TBC1D8B: variants seen among roughly 807,000 people sequenced by gnomAD.
TBC1D8B encodes the protein RP11-321G1.1.
A neutral mutation model predicts 82.9 loss-of-function variants in TBC1D8B; 75 were observed. The observed-to-expected ratio is 0.90, with a 90% confidence interval of 0.75 to 1.10. The LOEUF (loss-of-function observed/expected upper bound fraction) is 1.10. Ranked by LOEUF, TBC1D8B falls within the 50% of genes least tolerant of loss-of-function variation. The pLI, the probability that TBC1D8B is intolerant of heterozygous loss-of-function variation, is 0.00. For missense variants in TBC1D8B, 794 were observed against 796.9 expected (o/e 1.00, Z 0.04); for synonymous variants, 276 against 276.8 (o/e 1.00, Z 0.03).
chrX:106,860,215 C>T (rs1379075333), intron 14 of TBC1D8B, among the ~76,000 whole-genome samples: 23 of 110,672 alleles, frequency 2.1e-4, no homozygotes, highest in Non-Finnish European at 3.8e-5. Flanking sequence ...TAAAAGAATG[C>T]GTTAAGGAGG....
intron 11 of TBC1D8B, 61 bp from the exon 12 acceptor site, chrX:106,849,964 G>A: frequency 3.6e-6 from 4 of 1,124,161 alleles, no homozygotes; most frequent in Non-Finnish European, 2.3e-6. Context: ...GAAGTGGGGA[G>A]GTATGGAAAC....
In TBC1D8B at chrX:106,874,012, A is replaced by G. The variant is rs368662479; in HGVS notation, c.*47A>G. 2 of 1,129,706 alleles carry G rather than the reference A, an allele frequency of 1.8e-6. No homozygotes were observed. The highest frequency in any genetic ancestry group is 2.2e-5 in the South Asian group (1 of 45,177). 93.1% of individuals were successfully genotyped at this position (1,129,706 alleles called of 1,213,427 possible). ...TAGACAAGTTTACTAACATTCCTGTAGCTGTCAGTTTGATTCCTGTGAGTA... is the reference window on the plus strand; with the variant it reads ...TAGACAAGTTTACTAACATTCCTGTGGCTGTCAGTTTGATTCCTGTGAGTA... On this transcript the variant is annotated 3_prime_UTR_variant, in exon 21 of 21. Transcript: ENST00000357242.
chrX:106,841,435 C>A (rs781549156), intron 10 of TBC1D8B, among the ~76,000 whole-genome samples: 1 of 110,604 alleles, frequency 9.0e-6, no homozygotes, highest in South Asian at 3.8e-4. Context: ...TAGAGGTAAA[C>A]GTAAAGTATG....
At position 106,830,958 on chromosome X, in the gene TBC1D8B, AT is replaced by A. The variant is rs1363139477; in HGVS notation, c.1203+3622del. 1.3e-3 allele frequency among the ~76,000 whole-genome samples: 146 copies of A among 108,347 alleles called. 1 individual carries two copies. Among genetic ancestry groups the A allele is most frequent in the African/African-American group, 4.6e-3 (139 of 29,999 alleles). The allele number at this position is 108,347 out of a possible 115,157, so 94.1% of individuals were successfully genotyped here. A position where few individuals can be genotyped will look rare whatever the true frequency, so the allele number is the denominator to read the frequency against. ...CTTAAAGTATAATAATAATAAATAA[AT>A]AAATAAATAAATAAATAAATAAAAT... On this transcript the variant is annotated intron_variant, in intron 7 of 20. Coordinates refer to ENST00000357242, the MANE Select transcript of TBC1D8B (RefSeq NM_017752.3).
At chrX:106,853,447 G>T (rs1394748560) in intron 12 of TBC1D8B, 74 bp from the exon 13 acceptor site, 1 of 1,062,138 alleles carries the variant, frequency 9.4e-7, no homozygotes, top group South Asian at 2.1e-5. Flanking sequence ...TAACTAGGGA[G>T]AAATTATGTG....
chrX:106,846,399 C>G (rs762708916), intron 10 of TBC1D8B, among the ~76,000 whole-genome samples: 95 of 103,528 alleles, frequency 9.2e-4, no homozygotes, highest in Non-Finnish European at 6.1e-4. Flanking sequence ...TGAGCCACCG[C>G]ACCCGGCCTA....
chrX:106,866,076 A>G lies in TBC1D8B; in HGVS notation c.2662+43A>G, dbSNP rs148569277. ...AGCAAAAAAAAAAGGTGCTCCTAGA[A>G]ATACTTAGTACTGCCTATTATTGCC... On this transcript the variant is annotated intron_variant, in intron 16 of 20. Coordinates refer to ENST00000357242, the MANE Select transcript of TBC1D8B (RefSeq NM_017752.3). 1,658 of 1,161,284 alleles carry G rather than the reference A, an allele frequency of 1.4e-3. 15 individuals are homozygous for G. The African/African-American group carries it at 0.026, about 18-fold the overall frequency.
rs538337011 is a variant in TBC1D8B at position 106,802,702 on chromosome X, G to C, written c.-152G>C. ...ATCTCTCTGCCTACGTGGGAGAGAAGGGAGGGTTGGGGGAAGTGTGGAAAA... is the reference window on the plus strand; with the variant it reads ...ATCTCTCTGCCTACGTGGGAGAGAACGGAGGGTTGGGGGAAGTGTGGAAAA... On this transcript the variant is annotated 5_prime_UTR_variant, in exon 1 of 21. Transcript: ENST00000357242. 1.5e-4 allele frequency: 112 copies of C among 759,524 alleles called. 1 individual carries two copies. The South Asian group carries it at 3.0e-3, about 20-fold the overall frequency. 62.6% of individuals were successfully genotyped at this position (759,524 alleles called of 1,213,427 possible).
intron 10 of TBC1D8B, among the ~76,000 whole-genome samples, chrX:106,844,962 T>G (rs1932402194): frequency 9.0e-6 from 1 of 111,501 alleles, no homozygotes; most frequent in Non-Finnish European, 1.9e-5. Flanking sequence ...TTTGTGGTTT[T>G]TTTTAGAAAC....
intron 5 of TBC1D8B, 59 bp from the exon 6 acceptor site, chrX:106,825,971 C>A (rs767801799): frequency 3.7e-5 from 39 of 1,044,410 alleles, no homozygotes; most frequent in Admixed American, 9.2e-5. Context: ...CATATGTATA[C>A]CTTAGAATTC....
Position 106,839,447 on chromosome X carries a change from A to G in TBC1D8B, c.1343A>G (p.Asn448Ser). 1 of 1,151,048 alleles carries G rather than the reference A, an allele frequency of 8.7e-7. No homozygotes were observed. Among genetic ancestry groups the G allele is most frequent in the Non-Finnish European group, 1.2e-6 (1 of 865,412 alleles). The allele number at this position is 1,151,048 out of a possible 1,213,427, so 94.9% of individuals were successfully genotyped here. ...VFHPQNLETL[N>S]SKMLKEKMKE... is the part of the protein sequence containing the mutation. ...CACCCTCAGAATTTGGAGACTCTTA[A>G]TTCTAAAATGGTAGGAAAACAAAAT... Residue 448 changes from asparagine (N) to serine (S), a missense_variant, in exon 8 of 21, where the codon AAT (asparagine) becomes AGT (serine). Coordinates refer to ENST00000357242, the MANE Select transcript of TBC1D8B (RefSeq NM_017752.3).
rs1398494126 is a variant in TBC1D8B, at chrX:106,866,859, C to G, written c.2725C>G (p.Pro909Ala). 3 of 1,172,948 alleles carry G rather than the reference C, an allele frequency of 2.6e-6. No homozygotes were observed. Among genetic ancestry groups the G allele is most frequent in the Non-Finnish European group, 3.4e-6 (3 of 869,677 alleles). ...LKLLFKLHIPPAYTEVKSKDA... is the reference protein window; with the variant it reads ...LKLLFKLHIPAAYTEVKSKDA... ...GCTGCTTTTTAAGCTACATATTCCT[C>G]CAGGTAAGAGTTTACCAGTCTTTAA... Residue 909 changes from proline (P) to alanine (A), a missense_variant, in exon 17 of 21, where the codon CCA (proline) becomes GCA (alanine). Transcript: ENST00000357242.
At chrX:106,817,186 C>T in intron 1 of TBC1D8B, among the ~76,000 whole-genome samples, 1 of 111,487 alleles carries the variant, frequency 9.0e-6, no homozygotes, top group Non-Finnish European at 1.9e-5. Flanking sequence ...AATCAACAAA[C>T]TATATCCTTA....
At chrX:106,807,611 T>TAC (rs1931231325) in intron 1 of TBC1D8B, among the ~76,000 whole-genome samples, 1 of 111,226 alleles carries the variant, frequency 9.0e-6, no homozygotes, top group South Asian at 3.8e-4. Flanking sequence ...CAAAATCTCC[T>TAC]ACAAGGCTGC....
chrX:106,839,552 CTTCTT>C (rs1199278780), intron 8 of TBC1D8B, 95 bp downstream of exon 8: 1 of 926,964 alleles, frequency 1.1e-6, no homozygotes, highest in Non-Finnish European at 1.4e-6. Flanking sequence ...ACTGAAAACT[CTTCTT>C]TTGGGACTTG....
At chrX:106,855,840 T>G (rs1932684048) in intron 14 of TBC1D8B, among the ~76,000 whole-genome samples, 1 of 111,430 alleles carries the variant, frequency 9.0e-6, no homozygotes, top group African/African-American at 3.3e-5. Context: ...AGAATGCCCC[T>G]TTCCCCACAT....
Position 106,865,610 on chromosome X carries a change from C to A in TBC1D8B, c.2404C>A (p.Leu802Ile). The A allele has an allele frequency of 8.4e-7, 1 of 1,196,162 alleles. No homozygotes were observed. Among genetic ancestry groups the A allele is most frequent in the Non-Finnish European group, 1.1e-6 (1 of 887,253 alleles). ...VKLSLQELDELYVIFKKELFL... is the reference protein window; with the variant it reads ...VKLSLQELDEIYVIFKKELFL... ...ATTGAGCCTTCAAGAATTGGATGAA[C>A]TTTATGTCATCTTTAAGGTACTGTT... The change falls in exon 15 of 21, where the codon CTT becomes ATT. Residue 802 changes from leucine to isoleucine, a missense_variant. Coordinates refer to ENST00000357242, the MANE Select transcript of TBC1D8B (RefSeq NM_017752.3).
intron 12 of TBC1D8B, among the ~76,000 whole-genome samples, chrX:106,851,265 C>G (rs936528048): frequency 1.8e-5 from 2 of 111,847 alleles, no homozygotes; most frequent in African/African-American, 3.3e-5. Context: ...TGGTGAACAC[C>G]TGTAATCCCA....
At chrX:106,827,917 A>C (rs1349672229) in intron 7 of TBC1D8B, 1 of 111,450 alleles carries the variant, frequency 9.0e-6, no homozygotes, top group Non-Finnish European at 1.9e-5. Context: ...AAAAGCTAGC[A>C]GAAGGCAAGA....
Sources: allele counts gnomAD v4.1 joint callset (sites outside exome capture counted in the v4.1 genomes callset), GRCh38; gene constraint gnomAD v4.1.1; transcripts MANE v1.5; gene names NCBI Gene and HGNC (gene_info 2026-07-23, HGNC 2026-07-21).